The following ABR variants were observed in gnomAD, a reference collection of about 807,000 sequenced individuals.
ABR encodes the protein ABR activator of RhoGEF and GTPase, also known as active breakpoint cluster region-related protein.
In ABR, 35 loss-of-function variants were observed where a neutral mutation model predicts 107.2. The observed-to-expected ratio is 0.33, with a 90% CI of 0.25 to 0.43. The LOEUF is 0.43. Ranked by LOEUF, ABR falls within the 20% of genes least tolerant of loss-of-function variation. ABR has a pLI of 1.00. For missense variants in ABR, 815 were observed against 1,115.2 expected, an observed-to-expected ratio of 0.73 and a Z score of 3.83; for synonymous variants, 498 against 462.0, an observed-to-expected ratio of 1.08 and a Z score of -1.00.
chr17:1,147,480 C>T (rs931570036), intron 1 of ABR, among the ~76,000 whole-genome samples: 1 of 152,016 alleles, frequency 6.6e-6, no homozygotes, highest in Non-Finnish European at 1.5e-5. Context: ...CCTGCCTCAG[C>T]CTCCTGAGTA....
chr17:1,074,744 C>T (rs1037222463), intron 6 of ABR, among the ~76,000 whole-genome samples: 14 of 152,212 alleles, frequency 9.2e-5, no homozygotes, highest in African/African-American at 3.4e-4. Flanking sequence ...CTCTGCTCCC[C>T]GAGGCCAGCC....
At chr17:1,213,976 C>T (rs2042952134) in intron 1 of ABR, among the ~76,000 whole-genome samples, 1 of 151,836 alleles carries the variant, frequency 6.6e-6, no homozygotes, top group Non-Finnish European at 1.5e-5. Context: ...CATCCTCCGC[C>T]TCCCGGGTTC....
In ABR at chr17:1,027,441, T is replaced by C. The variant is rs911282351; in HGVS notation, c.1792-14277A>G. Among the ~76,000 whole-genome samples the C allele has an allele frequency of 7.2e-5, 11 of 152,150 alleles. No homozygotes were observed. Among genetic ancestry groups the C allele is most frequent in the African/African-American group, 2.7e-4 (11 of 41,434 alleles). ...TGTGTCTGAGTGGCCTCCAGAACCT[T>C]CATCAGATTCTCAGAGTCCAGGGTT... On this transcript the variant is annotated intron_variant, in intron 16 of 22. Coordinates refer to ENST00000302538, the MANE Select transcript of ABR (RefSeq NM_021962.5). The surrounding 1 kb of genome is among the most constrained non-coding windows in gnomAD (Gnocchi z 4.7).
At chr17:1,226,926 C>CG (rs1450088055) in intron 1 of ABR, among the ~76,000 whole-genome samples, 12 of 88 alleles carry the variant, frequency 0.14, 1 homozygote, top group African/African-American at 0.38. Flanking sequence ...CTCACTTCCT[C>CG]ACGAGGAGGC....
chr17:1,057,448 G>A (rs1005872944), intron 12 of ABR, among the ~76,000 whole-genome samples: 3 of 151,536 alleles, frequency 2.0e-5, no homozygotes, highest in Admixed American at 2.0e-4. Flanking sequence ...TGTGATCTCA[G>A]CTCACTGCAA....
Position 1,220,880 on chromosome 17 carries a change from A to C in ABR, c.838+7913T>G, listed in dbSNP as rs532745794. Among the ~76,000 whole-genome samples the C allele has an allele frequency of 9.6e-4, 146 of 152,274 alleles. 1 individual carries two copies. The highest frequency in any genetic ancestry group is 3.3e-3 in the African/African-American group (136 of 41,548). On this transcript the variant is annotated intron_variant, in intron 1 of 22. Transcript: ENST00000574139. ...TGTGAAAGATACTGTTGTGGGAGAGAAAAGGGGTCTAAACGACGGTCCCCG... is the reference window on the plus strand; with the variant it reads ...TGTGAAAGATACTGTTGTGGGAGAGCAAAGGGGTCTAAACGACGGTCCCCG...
chr17:1,008,554 G>C (rs959687060), intron 21 of ABR, among the ~76,000 whole-genome samples: 1 of 152,242 alleles, frequency 6.6e-6, no homozygotes, highest in Non-Finnish European at 1.5e-5. Flanking sequence ...CACAAGGCTT[G>C]CCAAATGCTT....
chr17:1,212,977 T>G (rs1029834290), intron 1 of ABR, among the ~76,000 whole-genome samples: 1 of 152,142 alleles, frequency 6.6e-6, no homozygotes, highest in African/African-American at 2.4e-5. Context: ...TTTTTCACCC[T>G]TTTACCAAAC....
intron 1 of ABR, among the ~76,000 whole-genome samples, chr17:1,137,294 G>A (rs149856210): frequency 0.016 from 2,388 of 152,164 alleles, 62 homozygotes; most frequent in East Asian, 0.11. Flanking sequence ...TGCCCGCCTC[G>A]GCCTCCCAAA....
intron 1 of ABR, among the ~76,000 whole-genome samples, chr17:1,135,841 A>G (rs1057149416): frequency 6.6e-6 from 1 of 151,984 alleles, no homozygotes; most frequent in Non-Finnish European, 1.5e-5. Flanking sequence ...GGGCCACTGC[A>G]CTCCAGCCTG....
At chr17:1,153,878 G>C (rs542356190) in intron 1 of ABR, 1 of 203,096 alleles carries the variant, frequency 4.9e-6, no homozygotes, top group Non-Finnish European at 1.0e-5. Context: ...AGAAAACCTC[G>C]CCCGGCAACC....
upstream of ABR, among the ~76,000 whole-genome samples, chr17:1,191,014 C>T (rs577570032): frequency 4.3e-4 from 66 of 152,314 alleles, no homozygotes; most frequent in African/African-American, 6.3e-4. Flanking sequence ...ACGACTTCTG[C>T]GGCTGCAGAT....
chr17:1,146,475 A>T (rs2040531028), intron 1 of ABR, among the ~76,000 whole-genome samples: 2 of 152,196 alleles, frequency 1.3e-5, no homozygotes. Flanking sequence ...GGATTCCATG[A>T]GATGACGTCT....
chr17:1,035,209 G>T (rs2073074544), intron 16 of ABR, among the ~76,000 whole-genome samples: 1 of 151,608 alleles, frequency 6.6e-6, no homozygotes. Flanking sequence ...AAAAGCAGAA[G>T]TCTGAATTCT....
At chr17:1,099,089 T>A (rs1049371063) in intron 3 of ABR, among the ~76,000 whole-genome samples, 6 of 149,394 alleles carry the variant, frequency 4.0e-5, no homozygotes, top group Non-Finnish European at 1.5e-5. Context: ...ACCCAGCCTT[T>A]TTTTTTGAGG....
chr17:1,180,575 C>T (rs1338387724), upstream of ABR, among the ~76,000 whole-genome samples: 4 of 152,218 alleles, frequency 2.6e-5, no homozygotes, highest in Admixed American at 6.5e-5. Flanking sequence ...ACATGTGCCC[C>T]TCCTGGGCGG....
At chr17:1,206,833 C>T (rs1049084021) in intron 1 of ABR, among the ~76,000 whole-genome samples, 2 of 152,122 alleles carry the variant, frequency 1.3e-5, no homozygotes, top group Non-Finnish European at 2.9e-5. Flanking sequence ...GCTTGTCATC[C>T]CAGCACTTTG....
chr17:1,179,761 G>A lies in ABR; in HGVS notation c.-34C>T, dbSNP rs767430928. The A allele has an allele frequency of 1.6e-5, 10 of 641,064 alleles. No individual in the cohort carries two copies. Among genetic ancestry groups the A allele is most frequent in the African/African-American group, 2.0e-5 (1 of 49,050 alleles). The allele number at this position is 641,064 out of a possible 1,614,324, so 39.7% of individuals were successfully genotyped here. On this transcript the variant is annotated 5_prime_UTR_variant, in exon 1 of 23. Coordinates refer to ENST00000302538, the MANE Select transcript of ABR (RefSeq NM_021962.5). This position sits in a 1 kb window ranked among gnomAD's most constrained non-coding sequence, Gnocchi z 4.9. ...GGCGGCTCGGTCAGATCCGAAACCC[G>A]ACCCTCATCGCGCAACAAAGGAGGG...
intron 16 of ABR, among the ~76,000 whole-genome samples, chr17:1,020,550 T>A (rs2071544505): frequency 1.3e-5 from 2 of 152,138 alleles, no homozygotes; most frequent in South Asian, 4.1e-4. Context: ...TGGGGCTCCG[T>A]CACCTCCGAG....
Sources: allele counts gnomAD v4.1 joint callset (sites outside exome capture counted in the v4.1 genomes callset), GRCh38; gene constraint gnomAD v4.1.1; non-coding constraint Gnocchi (gnomAD v3.1); transcripts MANE v1.5; gene names NCBI Gene and HGNC (gene_info 2026-07-23, HGNC 2026-07-21).